The following HMG20A variants were observed in gnomAD, a reference collection of about 807,000 sequenced individuals.
HMG20A encodes the protein high mobility group 20A.
HMG20A carries 17 observed loss-of-function variants against 43.9 expected under a neutral mutation model. The ratio of observed to expected loss-of-function variants is 0.39; its 90% CI spans 0.27 to 0.58. HMG20A has a LOEUF of 0.58. Ranked by LOEUF, HMG20A falls within the 20% of genes least tolerant of loss-of-function variation. The probability of loss-of-function intolerance (pLI) is 0.59; values close to 1 mark genes in which losing one functional copy is unlikely to be tolerated. For synonymous variants in HMG20A, 132 were observed against 147.5 expected (o/e 0.89, Z 0.76); for missense variants, 341 against 438.2 (o/e 0.78, Z 1.98).
chr15:77,494,595 C>A, the HMG20A span, among the ~76,000 whole-genome samples: 1 of 152,136 alleles, frequency 6.6e-6, no homozygotes, highest in Non-Finnish European at 1.5e-5. Context: ...GCAGGGGGAG[C>A]TTTGCAGCCG....
intron 1 of HMG20A, among the ~76,000 whole-genome samples, chr15:77,448,810 G>C (rs552276889): frequency 6.7e-6 from 1 of 150,274 alleles, no homozygotes. Flanking sequence ...AAGGCCGGGC[G>C]CGGTGGCTCA....
intron 1 of HMG20A, among the ~76,000 whole-genome samples, chr15:77,435,819 CT>C (rs35390385): frequency 8.1e-5 from 12 of 147,724 alleles, no homozygotes; most frequent in South Asian, 6.4e-4. Flanking sequence ...GTAGGTGCAT[CT>C]TTTTTTTTTT....
At position 77,441,519 on chromosome 15, in the gene HMG20A, G is replaced by A. The variant is rs1029681561; in HGVS notation, c.-4-16885G>A. Among the ~76,000 whole-genome samples, 8 of 152,198 alleles carry A rather than the reference G, an allele frequency of 5.3e-5. No individual in the cohort carries two copies. The East Asian group carries it at 1.2e-3, about 22-fold the overall frequency. On this transcript the variant is annotated intron_variant, in intron 1 of 9. Transcript: ENST00000336216. ...AGTTGATTTTGTTCTTCATGAACAG[G>A]TGAAAAAACTTGAGCCAGAGTCATT...
the HMG20A span, among the ~76,000 whole-genome samples, chr15:77,513,280 TC>T: frequency 6.6e-6 from 1 of 152,160 alleles, no homozygotes; most frequent in Non-Finnish European, 1.5e-5. Context: ...CTCAAATGGT[TC>T]AGAAAAAAAT....
chr15:77,445,140 CCTTTA>C (rs1461624260), intron 1 of HMG20A, among the ~76,000 whole-genome samples: 1 of 152,210 alleles, frequency 6.6e-6, no homozygotes, highest in Admixed American at 6.5e-5. Flanking sequence ...AACATGTCAT[CCTTTA>C]CTTGCAGTCT....
chr15:77,480,941 A>G (rs573402690), intron 9 of HMG20A, among the ~76,000 whole-genome samples: 14 of 152,284 alleles, frequency 9.2e-5, no homozygotes, highest in Non-Finnish European at 1.9e-4. Flanking sequence ...AGACTCTACA[A>G]TGAGGTGGCC....
intron 4 of HMG20A, among the ~76,000 whole-genome samples, chr15:77,467,813 A>G (rs185112839): frequency 5.3e-5 from 8 of 152,328 alleles, no homozygotes; most frequent in Admixed American, 5.2e-4. Flanking sequence ...ACAGAAACTA[A>G]CCTGATGGGC....
At chr15:77,453,572 G>A (rs1283554310) in intron 1 of HMG20A, among the ~76,000 whole-genome samples, 2 of 152,138 alleles carry the variant, frequency 1.3e-5, no homozygotes, top group Admixed American at 6.5e-5. Flanking sequence ...TCCACTCCTA[G>A]GTATATGCCC....
Position 77,421,007 on chromosome 15 carries a change from C to A in HMG20A, c.-5+3C>A. ...CTTCCTGCCCCTGTCGTCAGCAGGTCAGTAAGCAAGGCGAGCTTGGGGGTG... is the reference window on the plus strand; with the variant it reads ...CTTCCTGCCCCTGTCGTCAGCAGGTAAGTAAGCAAGGCGAGCTTGGGGGTG... On this transcript the variant is annotated splice_donor_region_variant and intron_variant, in intron 1 of 9. Coordinates refer to ENST00000336216, the MANE Select transcript of HMG20A (RefSeq NM_001304504.2). The A allele has an allele frequency of 2.5e-6, 1 of 398,818 alleles. No homozygotes were observed. The highest frequency in any genetic ancestry group is 1.3e-4 in the South Asian group (1 of 7,858). 24.7% of individuals were successfully genotyped at this position (398,818 alleles called of 1,614,324 possible). A position where few individuals can be genotyped will look rare whatever the true frequency, so the allele number is the denominator to read the frequency against.
At chr15:77,450,434 ATTTAT>A (rs911253765) in intron 1 of HMG20A, among the ~76,000 whole-genome samples, 2 of 152,168 alleles carry the variant, frequency 1.3e-5, no homozygotes, top group Non-Finnish European at 2.9e-5. Context: ...CAATGATTTT[ATTTAT>A]TTTGTGTATG....
chr15:77,439,940 T>G (rs1341860219), intron 1 of HMG20A, among the ~76,000 whole-genome samples: 2 of 152,192 alleles, frequency 1.3e-5, no homozygotes, highest in African/African-American at 2.4e-5. Context: ...TATAATACTG[T>G]CTCTTTTTCT....
chr15:77,432,717 C>T (rs892547725), intron 1 of HMG20A, among the ~76,000 whole-genome samples: 19 of 114,388 alleles, frequency 1.7e-4, no homozygotes, highest in African/African-American at 2.8e-4. Flanking sequence ...AGCGAAACTC[C>T]GACTCAAAAA....
At chr15:77,453,672 C>G (rs2142316515) in intron 1 of HMG20A, among the ~76,000 whole-genome samples, 1 of 152,120 alleles carries the variant, frequency 6.6e-6, no homozygotes, top group Admixed American at 6.5e-5. Context: ...AGAAACAACC[C>G]AAGTCTATCA....
At chr15:77,451,345 C>T (rs1021213761) in intron 1 of HMG20A, among the ~76,000 whole-genome samples, 2 of 152,182 alleles carry the variant, frequency 1.3e-5, no homozygotes, top group Non-Finnish European at 2.9e-5. Flanking sequence ...AACTTCCTGT[C>T]TTTTGAAATG....
chr15:77,509,560 G>GTT, the HMG20A span, among the ~76,000 whole-genome samples: 4 of 4,286 alleles, frequency 9.3e-4, no homozygotes, highest in African/African-American at 1.8e-3. Context: ...CCAGCCGTGT[G>GTT]TGTGTGTGTG....
intron 1 of HMG20A, among the ~76,000 whole-genome samples, chr15:77,458,053 A>G (rs374072482): frequency 6.6e-6 from 1 of 152,220 alleles, no homozygotes; most frequent in African/African-American, 2.4e-5. Flanking sequence ...AAGAGCTTAA[A>G]TAGCTTGCTC....
chr15:77,452,494 G>A (rs562940510), intron 1 of HMG20A, among the ~76,000 whole-genome samples: 15 of 152,296 alleles, frequency 9.8e-5, no homozygotes, highest in Non-Finnish European at 1.9e-4. Flanking sequence ...GGATAAGAAA[G>A]TATAATTGGC....
intron 6 of HMG20A, among the ~76,000 whole-genome samples, chr15:77,474,540 C>T (rs999961715): frequency 3.9e-5 from 6 of 152,188 alleles, no homozygotes; most frequent in Admixed American, 3.9e-4. Flanking sequence ...TAAATTACAG[C>T]GTTGAAAGTA....
chr15:77,477,287 C>T (rs989753799), intron 6 of HMG20A, among the ~76,000 whole-genome samples: 2 of 152,172 alleles, frequency 1.3e-5, no homozygotes, highest in African/African-American at 4.8e-5. Context: ...TTCAAATTCT[C>T]CATTAGGGAA....
Sources: allele counts gnomAD v4.1 joint callset (sites outside exome capture counted in the v4.1 genomes callset), GRCh38; gene constraint gnomAD v4.1.1; transcripts MANE v1.5; gene names NCBI Gene and HGNC (gene_info 2026-07-23, HGNC 2026-07-21).